The following NEXN variants were observed in gnomAD, a reference collection of about 807,000 sequenced individuals.
The protein encoded by NEXN is nexilin.
Under a neutral mutation model 92.6 loss-of-function variants are expected in NEXN, and 65 were observed. The observed-to-expected ratio is 0.70, with a 90% CI of 0.57 to 0.86. The LOEUF (loss-of-function observed/expected upper bound fraction) is 0.86, where lower values mean the gene tolerates loss of function less well. NEXN is among the 40% of genes least tolerant of loss of function. The probability of loss-of-function intolerance (pLI) is 0.00; values close to 1 mark genes in which losing one functional copy is unlikely to be tolerated. For missense variants in NEXN, 778 were observed against 771.1 expected (o/e 1.01, Z -0.11); for synonymous variants, 254 against 242.5 (o/e 1.05, Z -0.44).
Position 77,942,370 on chromosome 1 carries a change from TA to T in NEXN, c.1660-80del, listed in dbSNP as rs374889046. The T allele has an allele frequency of 0.028, 34,751 of 1,227,422 alleles. 797 individuals carry two copies. Among genetic ancestry groups the T allele is most frequent in the African/African-American group, 0.15 (10,087 of 67,140 alleles). The allele number at this position is 1,227,422 out of a possible 1,614,324, so 76.0% of individuals were successfully genotyped here. ...TAGGCACACTTGTATGTTCTTTACTTAAAAAAAAAAATTTCATTTCAAAATT... is the reference window on the plus strand; with the variant it reads ...TAGGCACACTTGTATGTTCTTTACTTAAAAAAAAAATTTCATTTCAAAATT... On this transcript the variant is annotated intron_variant, in intron 12 of 12. Transcript: ENST00000334785.
intron 1 of NEXN, among the ~76,000 whole-genome samples, chr1:77,891,239 A>G: frequency 6.6e-6 from 1 of 152,132 alleles, no homozygotes; most frequent in East Asian, 1.9e-4. Flanking sequence ...ACCATGTTAT[A>G]TTTATGGTTA....
chr1:77,920,149 C>T (rs1490941654), intron 5 of NEXN, among the ~76,000 whole-genome samples: 1 of 152,082 alleles, frequency 6.6e-6, no homozygotes, highest in African/African-American at 2.4e-5. Flanking sequence ...GATCTGCCCA[C>T]CTCGGCCTCC....
chr1:77,915,932 T>C, intron 1 of NEXN, 123 bp from the exon 2 acceptor site: 1 of 250,528 alleles, frequency 4.0e-6, no homozygotes, highest in Non-Finnish European at 7.6e-6. Flanking sequence ...TATCACAATT[T>C]ATTACTTGCT....
In NEXN at chr1:77,926,765, A is replaced by G; in HGVS notation, c.737A>G (p.Lys246Arg). 6.2e-7 allele frequency: 1 copy of G among 1,613,848 alleles called. No homozygotes were observed. The highest frequency in any genetic ancestry group is 8.5e-7 in the Non-Finnish European group (1 of 1,179,958). Reference protein sequence around the residue: ...EAKKESLSPGKLKLTFEELER... With the variant: ...EAKKESLSPGRLKLTFEELER... ...AAAAAAGAATCACTTTCTCCCGGAA[A>G]ATTGAAACTAACTTTTGAAGAACTG... is the stretch of plus-strand genomic sequence containing the variant. Residue 246 changes from lysine to arginine, a missense_variant, in exon 8 of 13, where the codon AAA (lysine) becomes AGA (arginine). Lys to Arg is a conservative substitution (Grantham distance 26, BLOSUM62 2). Around this residue, in one of 3 missense-constraint regions of NEXN, gnomAD observed 10 missense variants for 28.8 expected, o/e 0.35. Transcript: ENST00000334785.
intron 11 of NEXN, among the ~76,000 whole-genome samples, chr1:77,940,274 T>C (rs1651149524): frequency 6.6e-6 from 1 of 152,222 alleles, no homozygotes; most frequent in Admixed American, 6.5e-5. Flanking sequence ...TTATGCCCCA[T>C]TGTATCTCAA....
chr1:77,941,232 A>G (rs1404205437), intron 11 of NEXN, among the ~76,000 whole-genome samples: 3 of 99,578 alleles, frequency 3.0e-5, no homozygotes, highest in African/African-American at 1.3e-4. Context: ...AGGTAGTTAG[A>G]AACCAAAAGT....
intron 5 of NEXN, among the ~76,000 whole-genome samples, chr1:77,919,606 G>A (rs1455518446): frequency 9.2e-5 from 13 of 140,854 alleles, no homozygotes; most frequent in African/African-American, 2.6e-4. Context: ...TTTTTGAGAC[G>A]GAGTTTTGCT....
At chr1:77,908,791 A>G (rs1251606281) in intron 1 of NEXN, among the ~76,000 whole-genome samples, 1 of 152,178 alleles carries the variant, frequency 6.6e-6, no homozygotes, top group African/African-American at 2.4e-5. Flanking sequence ...TAGTAATAAA[A>G]TTAATCAAAG....
At chr1:77,927,585 CCT>C (rs1422422130) in intron 8 of NEXN, among the ~76,000 whole-genome samples, 3 of 148,780 alleles carry the variant, frequency 2.0e-5, no homozygotes, top group Non-Finnish European at 3.0e-5. Context: ...TGTGTGCATG[CCT>C]CTGTGTGTGT....
intron 11 of NEXN, among the ~76,000 whole-genome samples, chr1:77,937,525 A>T (rs1650875117): frequency 6.6e-6 from 1 of 152,042 alleles, no homozygotes; most frequent in South Asian, 2.1e-4. Flanking sequence ...CCCTGTCTCT[A>T]CAAAAATACA....
At chr1:77,904,522 G>T (rs1344586780) in intron 1 of NEXN, among the ~76,000 whole-genome samples, 1 of 152,162 alleles carries the variant, frequency 6.6e-6, no homozygotes, top group South Asian at 2.1e-4. Context: ...GCTAGTTTTT[G>T]CGTGAATATT....
At chr1:77,908,159 C>A (rs1007657474) in intron 1 of NEXN, among the ~76,000 whole-genome samples, 1 of 152,112 alleles carries the variant, frequency 6.6e-6, no homozygotes, top group African/African-American at 2.4e-5. Context: ...CTCACTGCAA[C>A]CTTGAACTCC....
At chr1:77,911,367 G>A (rs1280831665) in intron 1 of NEXN, among the ~76,000 whole-genome samples, 2 of 152,172 alleles carry the variant, frequency 1.3e-5, no homozygotes, top group East Asian at 3.8e-4. Flanking sequence ...CAAGACAGGT[G>A]GATTACCTGA....
rs950731461 is a variant in NEXN at position 77,943,541 on chromosome 1, TGA to T, written c.*714_*715del. 111 of 139,090 alleles carry T rather than the reference TGA, an allele frequency of 8.0e-4. No homozygotes were observed. The highest frequency in any genetic ancestry group is 3.1e-3 in the African/African-American group (104 of 33,538). The allele number at this position is 139,090 out of a possible 1,614,324, so 8.6% of individuals were successfully genotyped here. A position where few individuals can be genotyped will look rare whatever the true frequency, so the allele number is the denominator to read the frequency against. On this transcript the variant is annotated 3_prime_UTR_variant, in exon 13 of 13. Coordinates refer to ENST00000334785, the MANE Select transcript of NEXN (RefSeq NM_144573.4). ...GACTTAAAGAATGGCTATACAGTGT[TGA>T]GTGTTGAGGATATTAAACATGTTAT...
chr1:77,933,311 T>C lies in NEXN; in HGVS notation c.1083T>C (p.Tyr361=), dbSNP rs1060504549. The C allele has an allele frequency of 1.9e-6, 3 of 1,604,784 alleles. No homozygotes were observed. Among genetic ancestry groups the C allele is most frequent in the Non-Finnish European group, 2.6e-6 (3 of 1,172,902 alleles). ...MVVDDDSPEM[Y]KTISQEFLTP... ...TAGATGATGACTCCCCAGAGATGTA[T>C]AAGACAATCTCTCAAGAATTTCTTA... is the stretch of plus-strand genomic sequence containing the variant. Residue 361 remains tyrosine (Y), a synonymous_variant, in exon 10 of 13, where the codon TAT becomes TAC. Transcript: ENST00000334785.
intron 1 of NEXN, among the ~76,000 whole-genome samples, chr1:77,902,234 T>C (rs1647771831): frequency 6.6e-6 from 1 of 152,168 alleles, no homozygotes; most frequent in Non-Finnish European, 1.5e-5. Flanking sequence ...TGGTACACAA[T>C]AGGTATTCAA....
chr1:77,891,797 G>A (rs1311507943), intron 1 of NEXN, among the ~76,000 whole-genome samples: 3 of 151,428 alleles, frequency 2.0e-5, no homozygotes, highest in East Asian at 1.9e-4. Flanking sequence ...CACTTTTGGG[G>A]CTGGGTGTGG....
chr1:77,903,236 A>G (rs1266435565), intron 1 of NEXN, among the ~76,000 whole-genome samples: 3 of 152,148 alleles, frequency 2.0e-5, no homozygotes, highest in Admixed American at 2.0e-4. Context: ...AAAAAAAAAA[A>G]AGAGAGAAAT....
chr1:77,909,773 C>A (rs914695573), intron 1 of NEXN, among the ~76,000 whole-genome samples: 1 of 152,064 alleles, frequency 6.6e-6, no homozygotes, highest in Admixed American at 6.6e-5. Context: ...GGAGTTCTTG[C>A]AAATATTTAG....
Sources: gnomAD v4.1 joint callset for allele counts (sites outside exome capture counted in the v4.1 genomes callset) on GRCh38, gnomAD v4.1.1 for gene constraint, gnomAD v4.1.1 regional missense constraint, MANE v1.5 for transcripts, NCBI Gene and HGNC (gene_info 2026-07-23, HGNC 2026-07-21) for gene names.